Variants in ABRAXAS2 observed in about 807,000 individuals in gnomAD.
ABRAXAS2 encodes BRISC complex subunit Abraxas 2.
In ABRAXAS2, 23 loss-of-function variants were observed where a neutral mutation model predicts 49.0. The observed-to-expected ratio is 0.47, with a 90% CI of 0.34 to 0.66. The LOEUF (loss-of-function observed/expected upper bound fraction) is 0.66, where lower values mean the gene tolerates loss of function less well. Ranked by LOEUF, ABRAXAS2 falls within the 30% of genes least tolerant of loss-of-function variation. The pLI, the probability that ABRAXAS2 is intolerant of heterozygous loss-of-function variation, is 0.01. For missense variants in ABRAXAS2, 443 were observed against 511.9 expected (o/e 0.87, Z 1.30); for synonymous variants, 168 against 180.2 (o/e 0.93, Z 0.54).
At chr10:124,819,532 G>A (rs1950847727) in intron 4 of ABRAXAS2, 82 bp downstream of exon 4, 9 of 1,254,106 alleles carry the variant, frequency 7.2e-6, no homozygotes, top group Non-Finnish European at 1.0e-5. Context: ...AATGTAAAAT[G>A]GAACAATAAG....
chr10:124,832,500 A>G (rs1950939633), intron 8 of ABRAXAS2, among the ~76,000 whole-genome samples: 1 of 152,228 alleles, frequency 6.6e-6, no homozygotes, highest in South Asian at 2.1e-4. Flanking sequence ...TTATGTTTCC[A>G]GGCAAATATA....
chr10:124,825,458 T>C (rs1950891021), intron 4 of ABRAXAS2, among the ~76,000 whole-genome samples: 1 of 152,206 alleles, frequency 6.6e-6, no homozygotes, highest in Non-Finnish European at 1.5e-5. Context: ...TCAGGAACTA[T>C]TGCTTATTTC....
intron 4 of ABRAXAS2, among the ~76,000 whole-genome samples, chr10:124,821,030 C>G (rs1170456111): frequency 6.6e-6 from 1 of 151,926 alleles, no homozygotes; most frequent in Non-Finnish European, 1.5e-5. Context: ...CCTCCCACCT[C>G]AGCCCCCCAA....
intron 1 of ABRAXAS2, among the ~76,000 whole-genome samples, chr10:124,805,254 A>G (rs1430132722): frequency 2.0e-5 from 3 of 148,846 alleles, no homozygotes; most frequent in Non-Finnish European, 3.0e-5. Context: ...AATGGCGTGA[A>G]CCCCGGGAGG....
chr10:124,820,939 G>A (rs950170500), intron 4 of ABRAXAS2, among the ~76,000 whole-genome samples: 2 of 151,422 alleles, frequency 1.3e-5, no homozygotes, highest in Non-Finnish European at 2.9e-5. Flanking sequence ...TTGAGATGGG[G>A]GTCTCATGTT....
chr10:124,821,368 C>A (rs987897752), intron 4 of ABRAXAS2, among the ~76,000 whole-genome samples: 4 of 152,014 alleles, frequency 2.6e-5, no homozygotes, highest in African/African-American at 9.7e-5. Flanking sequence ...AGATTGAGAC[C>A]ACCCTGGCTA....
chr10:124,826,006 A>G (rs768067924), intron 4 of ABRAXAS2, among the ~76,000 whole-genome samples: 6 of 152,226 alleles, frequency 3.9e-5, no homozygotes, highest in Non-Finnish European at 5.9e-5. Flanking sequence ...TCCAGAGTGC[A>G]TAACAGTTTC....
At position 124,834,841 on chromosome 10, in the gene ABRAXAS2, A is replaced by T. The variant is rs1326969458; in HGVS notation, c.1118A>T (p.Asp373Val). 9 of 1,614,036 alleles carry T rather than the reference A, an allele frequency of 5.6e-6. No homozygotes were observed. Among genetic ancestry groups the T allele is most frequent in the Non-Finnish European group, 7.6e-6 (9 of 1,180,030 alleles). The change falls in exon 9 of 9, where the codon GAC becomes GTC. Residue 373 changes from aspartate to valine, a missense_variant. Transcript: ENST00000298492. ...RAAGDSGEDS[D>V]DSDYENLIDP... is the part of the protein sequence containing the mutation. The stretch of plus-strand genomic sequence containing the variant: ...GCTGGAGACAGTGGTGAGGATTCAG[A>T]CGACAGTGATTATGAAAATTTGATT...
chr10:124,812,503 C>T lies in ABRAXAS2; in HGVS notation c.164-4073C>T, dbSNP rs534541124. On this transcript the variant is annotated intron_variant, in intron 2 of 8. Coordinates refer to ENST00000298492, the MANE Select transcript of ABRAXAS2 (RefSeq NM_032182.4). ...CTACAAAATAAAAAAATTAGCTAGG[C>T]ATGGTGGCACACACCTGTAGTCTCA... Among the ~76,000 whole-genome samples the T allele has an allele frequency of 5.9e-5, 9 of 152,168 alleles. No homozygotes were observed. The South Asian group carries it at 1.9e-3, about 32-fold the overall frequency.
chr10:124,802,641 A>C (rs1950713877), intron 1 of ABRAXAS2, among the ~76,000 whole-genome samples: 1 of 152,178 alleles, frequency 6.6e-6, no homozygotes, highest in South Asian at 2.1e-4. Context: ...ATTGTCTTTT[A>C]ACGTCATTGG....
intron 1 of ABRAXAS2, among the ~76,000 whole-genome samples, chr10:124,806,368 G>A (rs1285467476): frequency 6.6e-6 from 1 of 151,500 alleles, no homozygotes; most frequent in Non-Finnish European, 1.5e-5. Context: ...GAATTTAATT[G>A]TTTTGCTAAA....
At chr10:124,822,880 G>A (rs1950871264) in intron 4 of ABRAXAS2, among the ~76,000 whole-genome samples, 1 of 152,048 alleles carries the variant, frequency 6.6e-6, no homozygotes, top group Admixed American at 6.6e-5. Flanking sequence ...TTTTTAAGGA[G>A]GTTTGCTGTT....
chr10:124,821,950 C>T (rs892078438), intron 4 of ABRAXAS2, among the ~76,000 whole-genome samples: 3 of 152,216 alleles, frequency 2.0e-5, no homozygotes, highest in Non-Finnish European at 4.4e-5. Context: ...TGTATTGATA[C>T]ATTTAATCCT....
At chr10:124,811,677 G>A (rs938321869) in intron 2 of ABRAXAS2, among the ~76,000 whole-genome samples, 4 of 151,412 alleles carry the variant, frequency 2.6e-5, no homozygotes, top group African/African-American at 9.7e-5. Flanking sequence ...GGCGGAGCTT[G>A]CAGTGAGCAG....
intron 5 of ABRAXAS2, among the ~76,000 whole-genome samples, chr10:124,827,363 T>C (rs907757179): frequency 6.6e-6 from 1 of 151,892 alleles, no homozygotes; most frequent in Non-Finnish European, 1.5e-5. Flanking sequence ...GTTTTGCCCA[T>C]TTTGGCCAGG....
chr10:124,806,236 G>A (rs547246582), intron 1 of ABRAXAS2, among the ~76,000 whole-genome samples: 122 of 151,920 alleles, frequency 8.0e-4, no homozygotes, highest in African/African-American at 2.8e-3. Flanking sequence ...AACCCGGAAG[G>A]TGGAGCTTGC....
intron 8 of ABRAXAS2, among the ~76,000 whole-genome samples, chr10:124,832,851 A>G (rs1295687439): frequency 6.6e-6 from 1 of 150,912 alleles, no homozygotes; most frequent in Non-Finnish European, 1.5e-5. Context: ...CAAAAAAAAT[A>G]AAATAAAATA....
rs554033576 is a variant in ABRAXAS2, at chr10:124,805,880, A to G, written c.73-951A>G. Among the ~76,000 whole-genome samples, 48 of 152,324 alleles carry G rather than the reference A, an allele frequency of 3.2e-4. No individual in the cohort carries two copies. The South Asian group carries it at 9.5e-3, about 30-fold the overall frequency. On this transcript the variant is annotated intron_variant, in intron 1 of 8. Coordinates refer to ENST00000298492, the MANE Select transcript of ABRAXAS2 (RefSeq NM_032182.4). ...GGAAAGTTACTTTAGGATTTAGAGT[A>G]TGTCTTCTCCCAGCTGTGCTTGTGC...
chr10:124,812,112 A>T (rs1408010447), intron 2 of ABRAXAS2, among the ~76,000 whole-genome samples: 1 of 152,198 alleles, frequency 6.6e-6, no homozygotes, highest in Non-Finnish European at 1.5e-5. Flanking sequence ...TAAAGTACTG[A>T]TTCTTTGATT....
Sources: gnomAD v4.1 joint callset for allele counts (sites outside exome capture counted in the v4.1 genomes callset) on GRCh38, gnomAD v4.1.1 for gene constraint, MANE v1.5 for transcripts, NCBI Gene and HGNC (gene_info 2026-07-23, HGNC 2026-07-21) for gene names.